Variants in PRKG1 observed in about 807,000 individuals in gnomAD.
PRKG1 encodes cGMP-dependent protein kinase 1.
PRKG1 carries 35 observed loss-of-function variants against 88.1 expected under a neutral mutation model. The ratio of observed to expected loss-of-function variants is 0.40; its 90% CI spans 0.30 to 0.53. PRKG1 has a LOEUF of 0.53. Ranked by LOEUF, PRKG1 falls within the 20% of genes least tolerant of loss-of-function variation. PRKG1 has a pLI of 0.59. For missense variants in PRKG1, 540 were observed against 839.8 expected (o/e 0.64, Z 4.41); for synonymous variants, 303 against 292.5 (o/e 1.04, Z -0.37).
At chr10:51,737,759 A>T (rs1482869942) in intron 3 of PRKG1, among the ~76,000 whole-genome samples, 1 of 89,090 alleles carries the variant, frequency 1.1e-5, no homozygotes, top group Admixed American at 1.0e-4. Flanking sequence ...TATTATTATT[A>T]TTATTATTAT....
chr10:52,239,320 A>AT (rs955138313), intron 9 of PRKG1, among the ~76,000 whole-genome samples: 12 of 131,852 alleles, frequency 9.1e-5, no homozygotes, highest in African/African-American at 3.2e-4. Flanking sequence ...TTAAAGTATA[A>AT]TAAAAAAAAA....
At chr10:52,114,066 G>C (rs1020933906) in intron 7 of PRKG1, among the ~76,000 whole-genome samples, 1 of 152,082 alleles carries the variant, frequency 6.6e-6, no homozygotes, top group Non-Finnish European at 1.5e-5. Context: ...TGGTAGAGGA[G>C]TGTTTTTTGC....
rs913869741 is a variant in PRKG1 at position 51,772,457 on chromosome 10, G to A, written c.593-32128G>A. Among the ~76,000 whole-genome samples, 8 of 152,002 alleles carry A rather than the reference G, an allele frequency of 5.3e-5. No homozygotes were observed. The South Asian group carries it at 1.7e-3, about 32-fold the overall frequency. On this transcript the variant is annotated intron_variant, in intron 3 of 17. Transcript: ENST00000373980. ...AGAATGAATTAAACTCATATTAGGTGAAAAAATAACATTAAAGCAGGTGAC... is the reference window on the plus strand; with the variant it reads ...AGAATGAATTAAACTCATATTAGGTAAAAAAATAACATTAAAGCAGGTGAC...
chr10:51,347,781 G>C (rs1267825708), intron 2 of PRKG1, among the ~76,000 whole-genome samples: 2 of 152,212 alleles, frequency 1.3e-5, no homozygotes, highest in South Asian at 2.1e-4. Flanking sequence ...GTCAACAAAG[G>C]CTGGGCGCGG....
intron 5 of PRKG1, among the ~76,000 whole-genome samples, chr10:52,028,919 G>T (rs897050854): frequency 2.6e-5 from 4 of 152,124 alleles, no homozygotes; most frequent in Non-Finnish European, 4.4e-5. Context: ...TCTCTGTACA[G>T]TGAAATTCCA....
intron 5 of PRKG1, among the ~76,000 whole-genome samples, chr10:51,919,926 T>C (rs1439588963): frequency 6.6e-6 from 1 of 152,174 alleles, no homozygotes; most frequent in Non-Finnish European, 1.5e-5. Context: ...AATAAATATT[T>C]GTTGAATCAG....
chr10:51,977,966 T>G (rs1279796904), intron 5 of PRKG1, among the ~76,000 whole-genome samples: 1 of 152,154 alleles, frequency 6.6e-6, no homozygotes, highest in Non-Finnish European at 1.5e-5. Context: ...CAGAAACTCT[T>G]TAGTTTAATT....
At chr10:52,279,082 A>C (rs1310255206) in intron 12 of PRKG1, among the ~76,000 whole-genome samples, 1 of 152,112 alleles carries the variant, frequency 6.6e-6, no homozygotes, top group African/African-American at 2.4e-5. Flanking sequence ...CTTACTCTTT[A>C]AGGTAAATAA....
At chr10:51,165,993 T>C (rs1332865070) in intron 2 of PRKG1, among the ~76,000 whole-genome samples, 2 of 152,170 alleles carry the variant, frequency 1.3e-5, no homozygotes, top group African/African-American at 4.8e-5. Flanking sequence ...AGTTTTTTTT[T>C]TTCATTTTTA....
At chr10:52,264,390 C>A (rs1841517475) in intron 10 of PRKG1, among the ~76,000 whole-genome samples, 1 of 150,946 alleles carries the variant, frequency 6.6e-6, no homozygotes, top group African/African-American at 2.4e-5. Context: ...TCTCCTTCCC[C>A]CTCCCCTCCA....
intron 1 of PRKG1, among the ~76,000 whole-genome samples, chr10:51,145,546 A>G (rs1460886338): frequency 6.6e-6 from 1 of 152,160 alleles, no homozygotes; most frequent in African/African-American, 2.4e-5. Context: ...TGAGAGAGGA[A>G]GCTTACAGGA....
At chr10:52,214,577 G>C (rs1326552881) in intron 9 of PRKG1, among the ~76,000 whole-genome samples, 2 of 152,100 alleles carry the variant, frequency 1.3e-5, no homozygotes, top group Admixed American at 6.6e-5. Flanking sequence ...ATTACTCTTG[G>C]AAATTATTTT....
intron 5 of PRKG1, among the ~76,000 whole-genome samples, chr10:51,956,516 C>T (rs1843306831): frequency 6.6e-6 from 1 of 151,940 alleles, no homozygotes; most frequent in Non-Finnish European, 1.5e-5. Context: ...CAAGATTCCA[C>T]CATTAATCTT....
chr10:52,163,843 A>G (rs1167930019), intron 9 of PRKG1, among the ~76,000 whole-genome samples: 10 of 152,196 alleles, frequency 6.6e-5, no homozygotes, highest in Admixed American at 5.2e-4. Context: ...TATGGCAACA[A>G]TTCTTAACTT....
intron 3 of PRKG1, among the ~76,000 whole-genome samples, chr10:51,523,513 C>CT (rs1841791410): frequency 6.6e-6 from 1 of 152,120 alleles, no homozygotes; most frequent in South Asian, 2.1e-4. Flanking sequence ...TTCAGTGTCT[C>CT]TAGGATAATA....
chr10:51,616,696 T>C (rs1241282725), intron 3 of PRKG1, among the ~76,000 whole-genome samples: 1 of 152,052 alleles, frequency 6.6e-6, no homozygotes, highest in Non-Finnish European at 1.5e-5. Context: ...TTACCAGCTA[T>C]GCTAGGCAGG....
At chr10:51,101,129 C>T (rs959116793) in intron 1 of PRKG1, among the ~76,000 whole-genome samples, 1 of 152,072 alleles carries the variant, frequency 6.6e-6, no homozygotes, top group African/African-American at 2.4e-5. Flanking sequence ...TAGCCTTAAT[C>T]CTCGAACCTC....
At chr10:51,374,076 A>G (rs1842758764) in intron 2 of PRKG1, among the ~76,000 whole-genome samples, 2 of 116,254 alleles carry the variant, frequency 1.7e-5, no homozygotes. Context: ...TGGCTGGCAG[A>G]GGTTGCAAAA....
At chr10:52,209,931 C>A (rs1453857682) in intron 9 of PRKG1, among the ~76,000 whole-genome samples, 1 of 152,166 alleles carries the variant, frequency 6.6e-6, no homozygotes, top group Non-Finnish European at 1.5e-5. Context: ...TCTTGAGTAA[C>A]CATTTGCAAA....
Sources: allele counts gnomAD v4.1 joint callset (sites outside exome capture counted in the v4.1 genomes callset), GRCh38; gene constraint gnomAD v4.1.1; transcripts MANE v1.5; gene names NCBI Gene and HGNC (gene_info 2026-07-23, HGNC 2026-07-21).